ZIM2: variants seen among roughly 807,000 people sequenced by gnomAD.
ZIM2 encodes the protein zinc finger protein 656.
Under a neutral mutation model 38.6 loss-of-function variants are expected in ZIM2, and 14 were observed. The observed-to-expected ratio is 0.36, with a 90% CI of 0.24 to 0.57. ZIM2 has a LOEUF of 0.57. ZIM2 is among the 20% of genes least tolerant of loss of function. The probability of loss-of-function intolerance (pLI) is 0.81; values close to 1 mark genes in which losing one functional copy is unlikely to be tolerated. For synonymous variants in ZIM2, 247 were observed against 245.8 expected (o/e 1.00, Z -0.04); for missense variants, 680 against 695.1 (o/e 0.98, Z 0.24).
intron 9 of ZIM2, among the ~76,000 whole-genome samples, chr19:56,806,561 T>C (rs1397818328): frequency 6.6e-6 from 1 of 152,232 alleles, no homozygotes; most frequent in Non-Finnish European, 1.5e-5. Flanking sequence ...TTCTTCTAAA[T>C]AGCCACATAA....
intron 3 of ZIM2, among the ~76,000 whole-genome samples, chr19:56,825,554 T>C (rs1273862289): frequency 8.6e-6 from 1 of 116,754 alleles, no homozygotes; most frequent in Non-Finnish European, 1.9e-5. Context: ...AATGTAAAGA[T>C]TTTCAATCTC....
At position 56,779,483 on chromosome 19, in the gene ZIM2, G is replaced by C. The variant is rs781440815; in HGVS notation, c.740-11C>G. On this transcript the variant is annotated splice_polypyrimidine_tract_variant and intron_variant, in intron 11 of 12. Coordinates refer to ENST00000629319, the MANE Select transcript of ZIM2 (RefSeq NM_001387356.1). ...TAGAGAACTGGTGCCCTGTTGGAGA[G>C]GAAGACTGAGAACTCAGGGTTTCAG... 2.5e-6 allele frequency: 4 copies of C among 1,613,364 alleles called. No individual in the cohort carries two copies. The highest frequency in any genetic ancestry group is 3.4e-6 in the Non-Finnish European group (4 of 1,179,614).
chr19:56,823,250 C>G (rs1392671920), intron 5 of ZIM2, among the ~76,000 whole-genome samples: 1 of 152,192 alleles, frequency 6.6e-6, no homozygotes, highest in Non-Finnish European at 1.5e-5. Context: ...CACACACCCT[C>G]CCTGAAAGCA....
intron 12 of ZIM2, among the ~76,000 whole-genome samples, chr19:56,778,581 A>C (rs984005954): frequency 5.9e-5 from 9 of 152,214 alleles, no homozygotes; most frequent in African/African-American, 2.2e-4. Flanking sequence ...GGAACAAAAA[A>C]ATGCATCTAG....
intron 9 of ZIM2, among the ~76,000 whole-genome samples, chr19:56,795,560 G>T (rs955086275): frequency 1.3e-5 from 2 of 152,238 alleles, no homozygotes; most frequent in East Asian, 3.9e-4. Flanking sequence ...CGTGCGCTCT[G>T]CGGTGGACGG....
intron 2 of ZIM2, among the ~76,000 whole-genome samples, chr19:56,834,995 G>A (rs2061945411): frequency 6.6e-6 from 1 of 152,144 alleles, no homozygotes; most frequent in African/African-American, 2.4e-5. Context: ...CCCACATCAT[G>A]TGACTCACTG....
chr19:56,828,814 G>A (rs542714691), intron 2 of ZIM2, among the ~76,000 whole-genome samples: 137 of 152,238 alleles, frequency 9.0e-4, no homozygotes, highest in Non-Finnish European at 9.3e-4. Context: ...TCAAAGAAAT[G>A]TAAAATATTA....
At chr19:56,785,611 G>C (rs1600728665) in intron 10 of ZIM2, among the ~76,000 whole-genome samples, 1 of 152,182 alleles carries the variant, frequency 6.6e-6, no homozygotes, top group African/African-American at 2.4e-5. Context: ...CCTACAATAA[G>C]CCACACCCTT....
Position 56,775,357 on chromosome 19 carries a change from A to T in ZIM2, c.1008T>A (p.Asp336Glu), listed in dbSNP as rs2045944517. The T allele has an allele frequency of 6.2e-7, 1 of 1,614,046 alleles. No homozygotes were observed. The highest frequency in any genetic ancestry group is 2.2e-5 in the East Asian group (1 of 44,872). Reference sequence around the variant, plus strand: ...TTCCAGGAGCAGTGCCTTCCTGGGGATCCTTTCCTAGAGGATCCTTTGATT... The same window carrying T: ...TTCCAGGAGCAGTGCCTTCCTGGGGTTCCTTTCCTAGAGGATCCTTTGATT... The part of the protein sequence containing the change: ...SKQSKDPLGK[D>E]PQEGTAPGIC... The change falls in exon 13 of 13, where the codon GAT (aspartate) becomes GAA (glutamate). Residue 336 changes from aspartate to glutamate, a missense_variant. Asp to Glu is a conservative substitution (Grantham distance 45). Coordinates refer to ENST00000629319, the MANE Select transcript of ZIM2 (RefSeq NM_001387356.1).
At chr19:56,817,711 G>T in intron 9 of ZIM2, 35 bp downstream of exon 9, 1 of 1,584,404 alleles carries the variant, frequency 6.3e-7, no homozygotes. Flanking sequence ...CTCACTGGTT[G>T]TGTGGCTCCT....
chr19:56,831,195 TC>T (rs889045975), intron 2 of ZIM2, among the ~76,000 whole-genome samples: 9 of 152,140 alleles, frequency 5.9e-5, no homozygotes, highest in African/African-American at 2.2e-4. Context: ...AAGTGTTTTT[TC>T]CAATATAAGG....
intron 9 of ZIM2, chr19:56,813,187 C>T (rs974120933): frequency 2.1e-6 from 2 of 967,054 alleles, no homozygotes; most frequent in East Asian, 1.2e-4. Context: ...AAATTTGTTG[C>T]TCTCTTCCTC....
At chr19:56,816,045 T>C (rs769609361) in intron 9 of ZIM2, 5 of 1,597,276 alleles carry the variant, frequency 3.1e-6, no homozygotes. Flanking sequence ...CCATTACTTT[T>C]GGTTTACTGG....
chr19:56,797,700 C>T (rs534853805), intron 9 of ZIM2, among the ~76,000 whole-genome samples: 1 of 152,280 alleles, frequency 6.6e-6, no homozygotes, highest in East Asian at 1.9e-4. Flanking sequence ...GTGGCCTTGG[C>T]TGCTCTACCA....
chr19:56,815,217 G>C (rs146308462), intron 9 of ZIM2: 7 of 1,613,690 alleles, frequency 4.3e-6, no homozygotes, highest in Admixed American at 1.7e-5. Context: ...GGGTCTCCTC[G>C]CTGTGGGTCT....
intron 11 of ZIM2, among the ~76,000 whole-genome samples, chr19:56,780,779 C>T (rs1318151725): frequency 6.6e-6 from 1 of 152,172 alleles, no homozygotes; most frequent in Admixed American, 6.5e-5. Context: ...CTGATATTCT[C>T]TACGTGATAC....
chr19:56,796,172 C>T (rs2047216509), intron 9 of ZIM2, among the ~76,000 whole-genome samples: 1 of 152,052 alleles, frequency 6.6e-6, no homozygotes, highest in Admixed American at 6.5e-5. Flanking sequence ...TTTAGGACCC[C>T]CCAGGGTATC....
Position 56,779,429 on chromosome 19 carries a change from C to G in ZIM2, c.783G>C (p.Glu261Asp), listed in dbSNP as rs760685319. The change falls in exon 12 of 13, where the codon GAG becomes GAC. Residue 261 changes from glutamate to aspartate, a missense_variant. Transcript: ENST00000629319. ...CTGTCTCCATTGCATATGATTCCTC[C>G]TCTTCCAGGCGTGAGATAATGTCAG... is the stretch of plus-strand genomic sequence containing the variant. ...SKPDIISRLEEEESYAMETDS... is the reference protein window; with the variant it reads ...SKPDIISRLEDEESYAMETDS... 1 of 1,614,006 alleles carries G rather than the reference C, an allele frequency of 6.2e-7. No individual in the cohort carries two copies. Among genetic ancestry groups the G allele is most frequent in the Admixed American group, 1.7e-5 (1 of 60,008 alleles).
At chr19:56,813,845 A>T in intron 9 of ZIM2, 1 of 1,614,178 alleles carries the variant, frequency 6.2e-7, no homozygotes, top group Admixed American at 1.7e-5. Flanking sequence ...GCAGGCTCAA[A>T]TATGATCATG....
Sources: allele counts gnomAD v4.1 joint callset (sites outside exome capture counted in the v4.1 genomes callset), GRCh38; gene constraint gnomAD v4.1.1; transcripts MANE v1.5; gene names NCBI Gene and HGNC (gene_info 2026-07-23, HGNC 2026-07-21).